MGAM2: variants seen among roughly 807,000 people sequenced by gnomAD.
The protein encoded by MGAM2 is probable maltase-glucoamylase 2.
In MGAM2, 98 loss-of-function variants were observed where a neutral mutation model predicts 96.1. That is an observed-to-expected ratio of 1.02 (90% confidence interval 0.87 to 1.21). The LOEUF (loss-of-function observed/expected upper bound fraction) is 1.21, where lower values mean the gene tolerates loss of function less well. Among genes scored for constraint, MGAM2 ranks in the 50% most tolerant of loss-of-function variants. The probability of loss-of-function intolerance (pLI) is 0.00; values close to 1 mark genes in which losing one functional copy is unlikely to be tolerated. For missense variants in MGAM2, 2,055 were observed against 1,182.4 expected, an observed-to-expected ratio of 1.74 and a Z score of -10.82; for synonymous variants, 749 against 414.8, an observed-to-expected ratio of 1.81 and a Z score of -9.79.
chr7:142,164,106 T>A (rs1795963276), intron 23 of MGAM2, among the ~76,000 whole-genome samples: 1 of 152,222 alleles, frequency 6.6e-6, no homozygotes, highest in South Asian at 2.1e-4. Context: ...CTTTGACCTG[T>A]GTATGTCCAG....
At chr7:142,204,043 T>C (rs74712590) in intron 45 of MGAM2, among the ~76,000 whole-genome samples, 4,692 of 152,170 alleles carry the variant, frequency 0.031, 238 homozygotes, top group African/African-American at 0.11. Context: ...TTAAGACCAA[T>C]TTTTGAATAT....
rs58671043 is a variant in MGAM2, at chr7:142,167,840, G to A, written c.3027+354G>A. Among the ~76,000 whole-genome samples, 1,082 of 152,238 alleles carry A rather than the reference G, an allele frequency of 7.1e-3. 13 individuals carry two copies. The highest frequency in any genetic ancestry group is 0.025 in the African/African-American group (1,031 of 41,526). On this transcript the variant is annotated intron_variant, in intron 26 of 47. Transcript: ENST00000477922. ...ACCTCCCTCTGCCTCCCAAAGTGCT[G>A]GGGTTACAGGCATGAGCCACTGTGC... is the stretch of plus-strand genomic sequence containing the variant.
In MGAM2 at chr7:142,131,596, A is replaced by C. The variant is rs1281215202; in HGVS notation, c.389A>C (p.Glu130Ala). 1.4e-5 allele frequency: 10 copies of C among 703,036 alleles called. No homozygotes were observed. Among genetic ancestry groups the C allele is most frequent in the Non-Finnish European group, 2.6e-5 (10 of 385,018 alleles). The allele number at this position is 703,036 out of a possible 1,614,324, so 43.5% of individuals were successfully genotyped here. A position where few individuals can be genotyped will look rare whatever the true frequency, so the allele number is the denominator to read the frequency against. Residue 130 changes from glutamate (E) to alanine (A), a missense_variant, in exon 5 of 48, where the codon GAA becomes GCA. Physicochemically the swap from Glu to Ala is moderately radical, Grantham distance 107. Transcript: ENST00000477922. ...GTCGCCACCACCCTTTTCACAGCTG[A>C]ATATCAGACATCCAATCGGTTTCAT... ...NDVATTLFTA[E>A]YQTSNRFHFK...
intron 47 of MGAM2, among the ~76,000 whole-genome samples, chr7:142,218,742 C>T (rs571651090): frequency 6.6e-6 from 1 of 152,226 alleles, no homozygotes; most frequent in South Asian, 2.1e-4. Flanking sequence ...TCCAGTATGG[C>T]CTAGGGGTCA....
At chr7:142,196,077 C>T in intron 37 of MGAM2, 77 bp from the exon 38 acceptor site, 1 of 726,306 alleles carries the variant, frequency 1.4e-6, no homozygotes, top group Non-Finnish European at 2.5e-6. Flanking sequence ...CCCTCACCCT[C>T]TCATGCTCCA....
At chr7:142,143,913 T>C (rs1423197242) in intron 13 of MGAM2, 31 bp downstream of exon 13, 4 of 700,304 alleles carry the variant, frequency 5.7e-6, no homozygotes, top group East Asian at 5.4e-5. Flanking sequence ...CAAATTTCCT[T>C]TGGAAACAGA....
Position 142,222,259 on chromosome 7 carries a change from T to C in MGAM2, c.*200T>C, listed in dbSNP as rs1414250995. The C allele has an allele frequency of 7.8e-6, 3 of 385,610 alleles. No individual in the cohort carries two copies. The highest frequency in any genetic ancestry group is 7.3e-5 in the East Asian group (2 of 27,322). The allele number at this position is 385,610 out of a possible 1,614,324, so 23.9% of individuals were successfully genotyped here. ...TGTTTAGGAAGGTTTACAAACCTTA[T>C]AGGTTTCACCAAAGAAGCTGTGGGT... On this transcript the variant is annotated 3_prime_UTR_variant, in exon 48 of 48. Transcript: ENST00000477922.
chr7:142,189,937 C>G (rs1408524429), intron 37 of MGAM2, among the ~76,000 whole-genome samples: 1 of 152,116 alleles, frequency 6.6e-6, no homozygotes, highest in East Asian at 1.9e-4. Flanking sequence ...TATATGGGTA[C>G]TTTCACTTGG....
intron 22 of MGAM2, 117 bp downstream of exon 22, chr7:142,161,330 C>G: frequency 1.9e-6 from 1 of 536,890 alleles, no homozygotes; most frequent in East Asian, 3.0e-5. Flanking sequence ...ACATCTGTAG[C>G]TGAGAATCAA....
chr7:142,187,236 G>A (rs1437195076), intron 35 of MGAM2, among the ~76,000 whole-genome samples: 1 of 152,210 alleles, frequency 6.6e-6, no homozygotes, highest in Non-Finnish European at 1.5e-5. Context: ...AGCAGAAAGT[G>A]AGATAACTCT....
At chr7:142,157,830 C>T (rs1795778786) in intron 17 of MGAM2, 107 bp from the exon 18 acceptor site, 3 of 638,362 alleles carry the variant, frequency 4.7e-6, no homozygotes, top group African/African-American at 3.6e-5. Flanking sequence ...CTTTGATATT[C>T]TCCAAGTTGG....
At chr7:142,122,400 G>GCA (rs1317965670) in intron 3 of MGAM2, among the ~76,000 whole-genome samples, 6 of 152,104 alleles carry the variant, frequency 3.9e-5, no homozygotes, top group Non-Finnish European at 8.8e-5. Flanking sequence ...CGATTCTTTG[G>GCA]CACACATTTG....
Position 142,170,152 on chromosome 7 carries a change from A to C in MGAM2, c.3105A>C (p.Glu1035Asp). 1.4e-6 allele frequency: 1 copy of C among 702,846 alleles called. No homozygotes were observed. The highest frequency in any genetic ancestry group is 2.6e-6 in the Non-Finnish European group (1 of 384,900). 43.5% of individuals were successfully genotyped at this position (702,846 alleles called of 1,614,324 possible). Residue 1035 changes from glutamate (E) to aspartate (D), a missense_variant, in exon 27 of 48, where the codon GAA becomes GAC. Glu to Asp is a conservative substitution (Grantham distance 45, BLOSUM62 2). Transcript: ENST00000477922. ...NTPPQPVGDPENRLYDVRIQN... is the reference protein window; with the variant it reads ...NTPPQPVGDPDNRLYDVRIQN... The stretch of plus-strand genomic sequence containing the variant: ...CTCCCCAACCAGTTGGTGACCCTGA[A>C]AACCGTCTGTATGATGTCAGGATTC...
Position 142,165,263 on chromosome 7 carries a change from C to T in MGAM2, c.2652+240C>T, listed in dbSNP as rs565971961. 2.0e-5 allele frequency among the ~76,000 whole-genome samples: 3 copies of T among 152,302 alleles called. No homozygotes were observed. The East Asian group carries it at 5.8e-4, about 29-fold the overall frequency. On this transcript the variant is annotated intron_variant, in intron 24 of 47. Transcript: ENST00000477922. Reference sequence around the variant, plus strand: ...GGAACCCCGAGAGAAGGAAGTTCTTCTCTGGGCGCAGTTAAAATGAGACAC... The same window carrying T: ...GGAACCCCGAGAGAAGGAAGTTCTTTTCTGGGCGCAGTTAAAATGAGACAC...
Position 142,172,159 on chromosome 7 carries a change from C to A in MGAM2, c.3413C>A (p.Ala1138Asp). ...YYMALEEDGS[A>D]HGVLLLNSNA... ...ATGGCACTGGAGGAGGATGGTAGTGCCCATGGAGTGCTCCTGCTAAATAGC... is the reference window on the plus strand; with the variant it reads ...ATGGCACTGGAGGAGGATGGTAGTGACCATGGAGTGCTCCTGCTAAATAGC... Residue 1138 changes from alanine to aspartate, a missense_variant, in exon 29 of 48, where the codon GCC becomes GAC. Coordinates refer to ENST00000477922, the MANE Select transcript of MGAM2 (RefSeq NM_001293626.2). 1 of 725,180 alleles carries A rather than the reference C, an allele frequency of 1.4e-6. No individual in the cohort carries two copies. 44.9% of individuals were successfully genotyped at this position (725,180 alleles called of 1,614,324 possible). A position where few individuals can be genotyped will look rare whatever the true frequency, so the allele number is the denominator to read the frequency against.
At chr7:142,175,631 C>A in intron 31 of MGAM2, 21 bp from the exon 32 acceptor site, 2 of 701,544 alleles carry the variant, frequency 2.9e-6, no homozygotes, top group South Asian at 3.0e-5. Flanking sequence ...GTTCCAAGAG[C>A]CTTGCTGCTT....
chr7:142,208,853 G>C (rs769275489), intron 46 of MGAM2, among the ~76,000 whole-genome samples: 5 of 152,064 alleles, frequency 3.3e-5, no homozygotes, highest in Non-Finnish European at 5.9e-5. Flanking sequence ...TACAATGCTG[G>C]GGAAAAAATG....
intron 23 of MGAM2, among the ~76,000 whole-genome samples, chr7:142,162,873 C>T (rs568191268): frequency 5.6e-4 from 85 of 151,872 alleles, no homozygotes; most frequent in East Asian, 7.9e-4. Context: ...TTGATGCTAT[C>T]GAGATACAGA....
At chr7:142,201,664 T>C (rs1007626363) in intron 45 of MGAM2, among the ~76,000 whole-genome samples, 4 of 152,188 alleles carry the variant, frequency 2.6e-5, no homozygotes, top group Admixed American at 1.3e-4. Context: ...CCTACAATAG[T>C]TGCATCTGTA....
Sources: allele counts gnomAD v4.1 joint callset (sites outside exome capture counted in the v4.1 genomes callset), GRCh38; gene constraint gnomAD v4.1.1; transcripts MANE v1.5; gene names NCBI Gene and HGNC (gene_info 2026-07-23, HGNC 2026-07-21).